The following PSD3 variants were observed in gnomAD, a reference collection of about 807,000 sequenced individuals.
PSD3 encodes PH and SEC7 domain-containing protein 3.
In PSD3, 49 loss-of-function variants were observed where a neutral mutation model predicts 105.5. The observed-to-expected ratio is 0.46, with a 90% CI of 0.37 to 0.59. PSD3 has a LOEUF of 0.59. PSD3 is among the 20% of genes least tolerant of loss of function. The pLI is 0.00. For synonymous variants in PSD3, 557 were observed against 457.8 expected (o/e 1.22, Z -2.77); for missense variants, 1,561 against 1,263.8 (o/e 1.24, Z -3.57).
At chr8:18,669,857 A>C (rs1293518648) in intron 9 of PSD3, among the ~76,000 whole-genome samples, 1 of 152,224 alleles carries the variant, frequency 6.6e-6, no homozygotes, top group African/African-American at 2.4e-5. Flanking sequence ...AGACTAATTC[A>C]TGTTTGTAAC....
chr8:18,853,023 G>A (rs1815718615), intron 4 of PSD3, among the ~76,000 whole-genome samples: 1 of 152,114 alleles, frequency 6.6e-6, no homozygotes, highest in African/African-American at 2.4e-5. Context: ...ACTGTAAGGA[G>A]TAAAACTGAA....
chr8:18,904,303 C>T (rs1819698010), intron 2 of PSD3, among the ~76,000 whole-genome samples: 3 of 152,166 alleles, frequency 2.0e-5, no homozygotes, highest in Admixed American at 2.0e-4. Context: ...ACCTTATAGA[C>T]CCCAGGATTG....
intron 4 of PSD3, among the ~76,000 whole-genome samples, chr8:18,816,082 G>A (rs931347534): frequency 6.6e-6 from 1 of 152,062 alleles, no homozygotes; most frequent in African/African-American, 2.4e-5. Context: ...AGATCCAAAG[G>A]GTCATCTTCA....
chr8:18,599,163 A>T (rs1274630899), intron 12 of PSD3, among the ~76,000 whole-genome samples: 1 of 152,158 alleles, frequency 6.6e-6, no homozygotes, highest in African/African-American at 2.4e-5. Flanking sequence ...AAAACATATT[A>T]CCAAGCTACA....
At chr8:18,976,644 T>C (rs998731212) in intron 1 of PSD3, among the ~76,000 whole-genome samples, 2 of 151,954 alleles carry the variant, frequency 1.3e-5, no homozygotes, top group South Asian at 4.1e-4. Context: ...ATAATCTACC[T>C]CATAGGGATA....
chr8:18,640,233 T>C (rs1807546486), intron 10 of PSD3, among the ~76,000 whole-genome samples: 3 of 152,168 alleles, frequency 2.0e-5, no homozygotes, highest in Admixed American at 1.3e-4. Flanking sequence ...TGGAAACCTA[T>C]GCTGCTAAGT....
chr8:18,860,310 A>G (rs1816342788), intron 4 of PSD3, among the ~76,000 whole-genome samples: 1 of 152,174 alleles, frequency 6.6e-6, no homozygotes, highest in Admixed American at 6.5e-5. Context: ...ACAGGTCACC[A>G]TAACAGATAT....
intron 1 of PSD3, chr8:18,940,054 G>C (rs75128316): frequency 7.9e-5 from 12 of 152,302 alleles, no homozygotes; most frequent in Non-Finnish European, 1.6e-4. Flanking sequence ...CTACCCTAGA[G>C]TGGTTCTCAA....
intron 4 of PSD3, among the ~76,000 whole-genome samples, chr8:18,845,391 C>T (rs556421787): frequency 6.6e-6 from 1 of 152,182 alleles, no homozygotes; most frequent in African/African-American, 2.4e-5. Context: ...GTCCTGTCTG[C>T]ATTCTCAGAC....
intron 11 of PSD3, among the ~76,000 whole-genome samples, chr8:18,612,535 A>T (rs35000104): frequency 0.22 from 33,544 of 151,778 alleles, 3,961 homozygotes; most frequent in Middle Eastern, 0.38. Context: ...ACCCGCCTGG[A>T]TAATGTTGTT....
chr8:19,012,269 T>G lies in PSD3; in HGVS notation c.21+1294A>C, dbSNP rs115235225. On this transcript the variant is annotated intron_variant, in intron 1 of 15. Transcript: ENST00000327040. ...TGTGGAAGGACATCCAGCCAGCCAC[T>G]AAAAACTGGTTGAAAAGGTGCTAAT... 2.2e-3 allele frequency among the ~76,000 whole-genome samples: 339 copies of G among 152,324 alleles called. 1 individual carries two copies. Among genetic ancestry groups the G allele is most frequent in the African/African-American group, 8.0e-3 (332 of 41,568 alleles).
intron 9 of PSD3, among the ~76,000 whole-genome samples, chr8:18,738,471 G>A (rs1804316558): frequency 6.6e-6 from 1 of 152,148 alleles, no homozygotes; most frequent in Admixed American, 6.5e-5. Flanking sequence ...TTTATACTGT[G>A]AATAGTTGCT....
chr8:18,835,647 G>T (rs1369453193), intron 4 of PSD3, among the ~76,000 whole-genome samples: 1 of 152,228 alleles, frequency 6.6e-6, no homozygotes, highest in African/African-American at 2.4e-5. Flanking sequence ...TATAATTTTA[G>T]AAAAGGCAGG....
chr8:18,826,434 T>C (rs1353509002), intron 4 of PSD3, among the ~76,000 whole-genome samples: 1 of 152,230 alleles, frequency 6.6e-6, no homozygotes. Context: ...GCAATTTCCC[T>C]TCTAACTTGC....
chr8:18,846,983 A>T (rs1272092237), intron 4 of PSD3, among the ~76,000 whole-genome samples: 1 of 152,146 alleles, frequency 6.6e-6, no homozygotes, highest in Non-Finnish European at 1.5e-5. Context: ...ATGCTCCCTT[A>T]ACTCTAAAGG....
At chr8:18,732,402 AATC>A (rs1049924826) in intron 9 of PSD3, among the ~76,000 whole-genome samples, 1 of 152,242 alleles carries the variant, frequency 6.6e-6, no homozygotes, top group Non-Finnish European at 1.5e-5. Context: ...AGGGGCTTTA[AATC>A]ATCATCAGTT....
chr8:19,063,534 T>A (rs2129477664), intron 1 of PSD3, among the ~76,000 whole-genome samples: 1 of 152,296 alleles, frequency 6.6e-6, no homozygotes, highest in East Asian at 1.9e-4. Context: ...TCTCACTACA[T>A]CGTGGTGAGA....
chr8:18,557,387 G>A (rs1365961969), intron 14 of PSD3: 1 of 152,356 alleles, frequency 6.6e-6, no homozygotes, highest in Non-Finnish European at 1.5e-5. Flanking sequence ...ACTATGGACA[G>A]TAAATTACAA....
intron 10 of PSD3, among the ~76,000 whole-genome samples, chr8:18,645,405 A>G (rs2130813324): frequency 6.6e-6 from 1 of 152,322 alleles, no homozygotes; most frequent in East Asian, 1.9e-4. Context: ...TCAACTCTTT[A>G]GTTCAATATT....
Sources: allele counts gnomAD v4.1 joint callset (sites outside exome capture counted in the v4.1 genomes callset), GRCh38; gene constraint gnomAD v4.1.1; transcripts MANE v1.5; gene names NCBI Gene and HGNC (gene_info 2026-07-23, HGNC 2026-07-21).